TBC1D22A: variants seen among roughly 807,000 people sequenced by gnomAD.
TBC1D22A encodes the protein putative GTPase activator.
In TBC1D22A, 38 loss-of-function variants were observed where a neutral mutation model predicts 60.2. The ratio of observed to expected loss-of-function variants is 0.63; its 90% CI spans 0.49 to 0.83. The LOEUF is 0.83. TBC1D22A is among the 40% of genes least tolerant of loss of function. The pLI is 0.00. For missense variants in TBC1D22A, 628 were observed against 701.0 expected, an observed-to-expected ratio of 0.90 and a Z score of 1.18; for synonymous variants, 302 against 281.7, an observed-to-expected ratio of 1.07 and a Z score of -0.72.
chr22:46,910,047 T>C (rs2069796424), intron 7 of TBC1D22A, among the ~76,000 whole-genome samples: 1 of 152,206 alleles, frequency 6.6e-6, no homozygotes, highest in African/African-American at 2.4e-5. Context: ...AATGGCACTG[T>C]GTTGTTGAGT....
intron 12 of TBC1D22A, among the ~76,000 whole-genome samples, chr22:47,121,400 A>C (rs1169256814): frequency 1.3e-5 from 2 of 152,200 alleles, no homozygotes; most frequent in African/African-American, 4.8e-5. Flanking sequence ...AGCAGCCTGC[A>C]TATCCAGCTC....
At chr22:47,081,659 A>G (rs1239740763) in intron 11 of TBC1D22A, among the ~76,000 whole-genome samples, 1 of 152,268 alleles carries the variant, frequency 6.6e-6, no homozygotes, top group Non-Finnish European at 1.5e-5. Context: ...TATATTAGCA[A>G]TAAACAATTA....
intron 7 of TBC1D22A, among the ~76,000 whole-genome samples, chr22:46,903,992 C>G (rs980160207): frequency 4.6e-4 from 70 of 151,874 alleles, no homozygotes; most frequent in African/African-American, 1.7e-3. Context: ...TTAAGTGTCA[C>G]CCTGTAGACT....
chr22:46,936,464 A>C (rs2071662546), intron 8 of TBC1D22A, among the ~76,000 whole-genome samples: 1 of 152,160 alleles, frequency 6.6e-6, no homozygotes, highest in East Asian at 1.9e-4. Context: ...CAAACAGTAC[A>C]TAGCACATCT....
chr22:47,040,304 G>A (rs1230326315), intron 11 of TBC1D22A, among the ~76,000 whole-genome samples: 2 of 152,226 alleles, frequency 1.3e-5, no homozygotes, highest in Middle Eastern at 6.8e-3. Flanking sequence ...CATGAGAACG[G>A]CGTGGAGAAG....
intron 8 of TBC1D22A, among the ~76,000 whole-genome samples, chr22:46,928,925 C>T (rs1383288185): frequency 1.3e-5 from 2 of 151,982 alleles, no homozygotes; most frequent in Non-Finnish European, 2.9e-5. Context: ...GTTACAAATG[C>T]TGGCAAGGAT....
rs73890540 is a variant in TBC1D22A at position 46,990,683 on chromosome 22, C to T, written c.1126-6951C>T. Among the ~76,000 whole-genome samples the T allele has an allele frequency of 0.012, 1,833 of 152,238 alleles. 32 individuals are homozygous for T. The highest frequency in any genetic ancestry group is 0.042 in the African/African-American group (1,731 of 41,526). ...TTCCACCCAACCCCTGGGCTTTTTA[C>T]TGTCTCCATAGTTTCACCTTTGCCA... is the stretch of plus-strand genomic sequence containing the variant. On this transcript the variant is annotated intron_variant, in intron 9 of 12. Coordinates refer to ENST00000337137, the MANE Select transcript of TBC1D22A (RefSeq NM_014346.5). The surrounding 1 kb of genome is among the most constrained non-coding windows in gnomAD (Gnocchi z 4.6).
intron 4 of TBC1D22A, among the ~76,000 whole-genome samples, chr22:46,803,466 C>T (rs983694612): frequency 2.0e-5 from 3 of 152,182 alleles, no homozygotes; most frequent in Non-Finnish European, 4.4e-5. Context: ...GGGGCCCGGC[C>T]CCCAGGAGCT....
intron 10 of TBC1D22A, among the ~76,000 whole-genome samples, chr22:47,035,742 T>C (rs891593848): frequency 1.3e-5 from 2 of 152,072 alleles, no homozygotes; most frequent in Non-Finnish European, 2.9e-5. Flanking sequence ...AGGGCCAGCT[T>C]AGTGGAGCCT....
intron 5 of TBC1D22A, among the ~76,000 whole-genome samples, chr22:46,882,636 G>A (rs987661281): frequency 5.9e-5 from 9 of 152,218 alleles, no homozygotes; most frequent in Non-Finnish European, 1.2e-4. Flanking sequence ...AGCCATGAGC[G>A]TGTTGTCTGG....
chr22:47,078,261 T>C (rs2064310115), intron 11 of TBC1D22A, among the ~76,000 whole-genome samples: 2 of 152,174 alleles, frequency 1.3e-5, no homozygotes, highest in Non-Finnish European at 2.9e-5. Context: ...CTCACTTCTC[T>C]TCCCTCTGCC....
At chr22:46,906,032 T>G (rs1249540123) in intron 7 of TBC1D22A, among the ~76,000 whole-genome samples, 1 of 152,070 alleles carries the variant, frequency 6.6e-6, no homozygotes, top group East Asian at 1.9e-4. Flanking sequence ...GGGGCTCACA[T>G]TAGCCTCTCA....
chr22:47,076,910 A>T (rs1019946234), intron 11 of TBC1D22A, among the ~76,000 whole-genome samples: 3 of 152,188 alleles, frequency 2.0e-5, no homozygotes, highest in African/African-American at 7.2e-5. Flanking sequence ...CTCATAGTCC[A>T]TAAGGGCAGC....
chr22:46,783,307 T>A (rs1436300327), intron 1 of TBC1D22A, among the ~76,000 whole-genome samples: 1 of 152,244 alleles, frequency 6.6e-6, no homozygotes, highest in East Asian at 1.9e-4. Flanking sequence ...GTTTTGACCC[T>A]TCTGGAGAGT....
In TBC1D22A at chr22:46,777,600, A is replaced by C. The variant is rs1185958652; in HGVS notation, c.62+14752A>C. ...TCGGCTTTGGGGAGCAGAGTTGGGAACACACAGAAGAGTCTGGGGCATGCA... is the reference window on the plus strand; with the variant it reads ...TCGGCTTTGGGGAGCAGAGTTGGGACCACACAGAAGAGTCTGGGGCATGCA... On this transcript the variant is annotated intron_variant, in intron 1 of 12. Transcript: ENST00000337137. This position sits in a 1 kb window ranked among gnomAD's most constrained non-coding sequence, Gnocchi z 4.5. Among the ~76,000 whole-genome samples the C allele has an allele frequency of 1.3e-5, 2 of 152,134 alleles. No homozygotes were observed. The highest frequency in any genetic ancestry group is 2.9e-5 in the Non-Finnish European group (2 of 68,024).
chr22:47,083,791 A>G (rs2064568807), intron 11 of TBC1D22A, among the ~76,000 whole-genome samples: 4 of 152,204 alleles, frequency 2.6e-5, no homozygotes. Context: ...AGAAGTACTC[A>G]ACATTACTCA....
intron 4 of TBC1D22A, among the ~76,000 whole-genome samples, chr22:46,860,777 C>T (rs553763091): frequency 6.6e-6 from 1 of 152,134 alleles, no homozygotes; most frequent in Non-Finnish European, 1.5e-5. Context: ...TGCTGCCAGG[C>T]GGGTCTCCTG....
chr22:46,826,091 C>T (rs1326081188), intron 4 of TBC1D22A, among the ~76,000 whole-genome samples: 2 of 152,040 alleles, frequency 1.3e-5, no homozygotes, highest in South Asian at 2.1e-4. Context: ...CCGTGTTAGC[C>T]ATGATGGTCT....
intron 4 of TBC1D22A, among the ~76,000 whole-genome samples, chr22:46,798,434 A>G (rs1049152409): frequency 1.8e-4 from 28 of 152,250 alleles, no homozygotes; most frequent in African/African-American, 6.8e-4. Flanking sequence ...GGGCAGGCCC[A>G]CAGGGCAGAG....
Sources: gnomAD v4.1 joint callset for allele counts (sites outside exome capture counted in the v4.1 genomes callset) on GRCh38, gnomAD v4.1.1 for gene constraint, Gnocchi (gnomAD v3.1) non-coding constraint, MANE v1.5 for transcripts, NCBI Gene and HGNC (gene_info 2026-07-23, HGNC 2026-07-21) for gene names.